Variants in SKAP1 observed in about 807,000 individuals in gnomAD.
SKAP1 encodes src kinase associated phosphoprotein 1.
SKAP1 carries 44 observed loss-of-function variants against 58.5 expected under a neutral mutation model. The observed-to-expected ratio is 0.75, with a 90% CI of 0.59 to 0.97. The LOEUF (loss-of-function observed/expected upper bound fraction) is 0.97. Ranked by LOEUF, SKAP1 falls within the 50% of genes least tolerant of loss-of-function variation. The pLI, the probability that SKAP1 is intolerant of heterozygous loss-of-function variation, is 0.00. For synonymous variants in SKAP1, 127 were observed against 149.7 expected (o/e 0.85, Z 1.11); for missense variants, 390 against 435.2 (o/e 0.90, Z 0.92).
intron 4 of SKAP1, among the ~76,000 whole-genome samples, chr17:48,339,005 A>C (rs1054134248): frequency 6.6e-6 from 1 of 152,214 alleles, no homozygotes; most frequent in African/African-American, 2.4e-5. Flanking sequence ...ATTTCTCCCA[A>C]TGATCTGAAA....
chr17:48,144,904 A>G (rs1282794940), intron 11 of SKAP1, among the ~76,000 whole-genome samples: 1 of 152,214 alleles, frequency 6.6e-6, no homozygotes, highest in Non-Finnish European at 1.5e-5. Flanking sequence ...AGGGATGCAC[A>G]TCTACAAGTG....
intron 11 of SKAP1, among the ~76,000 whole-genome samples, chr17:48,158,865 C>T (rs558572199): frequency 1.9e-4 from 28 of 150,476 alleles, no homozygotes; most frequent in African/African-American, 6.1e-4. Flanking sequence ...GAGGCTGAGG[C>T]AAAAGAATGG....
chr17:48,354,284 C>A (rs148947255), intron 3 of SKAP1, among the ~76,000 whole-genome samples: 1 of 152,302 alleles, frequency 6.6e-6, no homozygotes, highest in East Asian at 1.9e-4. Flanking sequence ...ACATCATTAT[C>A]AACAGCCAAA....
intron 2 of SKAP1, chr17:48,377,279 CTT>C (rs2067161785): frequency 6.6e-6 from 1 of 152,014 alleles, no homozygotes. Context: ...GAAGACTAAA[CTT>C]TACTGTAGTG....
chr17:48,252,713 AGTGTGTGTGTGTGTGT>A (rs71141977), intron 4 of SKAP1, among the ~76,000 whole-genome samples: 6 of 145,026 alleles, frequency 4.1e-5, no homozygotes, highest in Non-Finnish European at 4.5e-5. Flanking sequence ...GCTCTAAGCT[AGTGTGTGTGTGTGTGT>A]GTGTGTGTGT....
chr17:48,306,797 C>G (rs985103266), intron 4 of SKAP1, among the ~76,000 whole-genome samples: 2 of 152,118 alleles, frequency 1.3e-5, no homozygotes, highest in African/African-American at 2.4e-5. Context: ...TAAAGATCAT[C>G]TAAATTAAAC....
At chr17:48,215,471 C>T (rs986840910) in intron 4 of SKAP1, among the ~76,000 whole-genome samples, 3 of 152,136 alleles carry the variant, frequency 2.0e-5, no homozygotes, top group Non-Finnish European at 4.4e-5. Context: ...CATATATCTG[C>T]GAAAGCAGAA....
rs1293466382 is a variant in SKAP1, at chr17:48,236,380, A to G, written c.281-46880T>C. ...GCACAGAGAGGGTAATTGTTTCCAAATCTTGAATATTACATTACTATTATT... is the reference window on the plus strand; with the variant it reads ...GCACAGAGAGGGTAATTGTTTCCAAGTCTTGAATATTACATTACTATTATT... On this transcript the variant is annotated intron_variant, in intron 4 of 12. Coordinates refer to ENST00000336915, the MANE Select transcript of SKAP1 (RefSeq NM_003726.4). Among the ~76,000 whole-genome samples the G allele has an allele frequency of 2.6e-5, 4 of 152,316 alleles. No homozygotes were observed. The East Asian group carries it at 7.7e-4, about 29-fold the overall frequency.
At chr17:48,263,598 A>G (rs1383256919) in intron 4 of SKAP1, among the ~76,000 whole-genome samples, 1 of 152,172 alleles carries the variant, frequency 6.6e-6, no homozygotes, top group African/African-American at 2.4e-5. Flanking sequence ...CTGACTGTAT[A>G]CTTTAGCCAA....
intron 4 of SKAP1, among the ~76,000 whole-genome samples, chr17:48,255,063 A>T (rs2065408016): frequency 6.6e-6 from 1 of 152,136 alleles, no homozygotes; most frequent in African/African-American, 2.4e-5. Context: ...TCCTCCTTCA[A>T]ATGCTGAACG....
intron 4 of SKAP1, among the ~76,000 whole-genome samples, chr17:48,192,238 G>A (rs2064556282): frequency 6.6e-6 from 1 of 151,728 alleles, no homozygotes; most frequent in African/African-American, 2.4e-5. Context: ...AGGGAGATGA[G>A]GAAAACACGA....
chr17:48,137,758 A>G (rs2063718919), intron 11 of SKAP1, among the ~76,000 whole-genome samples: 1 of 152,220 alleles, frequency 6.6e-6, no homozygotes, highest in Non-Finnish European at 1.5e-5. Context: ...CCCATGAGGT[A>G]TGTAATGATG....
At chr17:48,365,424 A>G (rs2175156) in intron 2 of SKAP1, among the ~76,000 whole-genome samples, 12,355 of 152,168 alleles carry the variant, frequency 0.081, 646 homozygotes, top group East Asian at 0.2. Context: ...CAGGAACTTT[A>G]CATTATTCTT....
chr17:48,323,442 T>A (rs1208228803), intron 4 of SKAP1, among the ~76,000 whole-genome samples: 1 of 152,104 alleles, frequency 6.6e-6, no homozygotes, highest in Non-Finnish European at 1.5e-5. Context: ...CTCACTTAGA[T>A]CATTAGAAAG....
At chr17:48,350,576 A>G (rs1229373224) in intron 3 of SKAP1, among the ~76,000 whole-genome samples, 1 of 152,154 alleles carries the variant, frequency 6.6e-6, no homozygotes, top group Non-Finnish European at 1.5e-5. Flanking sequence ...CATGCCTGTA[A>G]TCCCAGCTAC....
chr17:48,198,150 A>G (rs982347277), intron 4 of SKAP1, among the ~76,000 whole-genome samples: 1 of 152,226 alleles, frequency 6.6e-6, no homozygotes, highest in Non-Finnish European at 1.5e-5. Flanking sequence ...TGAATAATTT[A>G]CTTTTAGAAT....
intron 9 of SKAP1, among the ~76,000 whole-genome samples, chr17:48,174,430 T>G (rs140205282): frequency 2.3e-4 from 35 of 152,228 alleles, no homozygotes; most frequent in Middle Eastern, 3.4e-3. Flanking sequence ...CCTAGACACC[T>G]CCCTAGGTTC....
intron 11 of SKAP1, among the ~76,000 whole-genome samples, chr17:48,142,064 A>G (rs1054119792): frequency 9.9e-5 from 15 of 152,172 alleles, no homozygotes; most frequent in South Asian, 2.1e-4. Flanking sequence ...CTCAGTGTCA[A>G]TCACTAGTTG....
intron 11 of SKAP1, among the ~76,000 whole-genome samples, chr17:48,155,757 T>G (rs1055676518): frequency 6.6e-6 from 1 of 152,138 alleles, no homozygotes; most frequent in African/African-American, 2.4e-5. Context: ...CTCAGGAGGC[T>G]GAGGCAGGAG....
Sources: allele counts gnomAD v4.1 joint callset (sites outside exome capture counted in the v4.1 genomes callset), GRCh38; gene constraint gnomAD v4.1.1; transcripts MANE v1.5; gene names NCBI Gene and HGNC (gene_info 2026-07-23, HGNC 2026-07-21).